The following PITPNM2 variants were observed in gnomAD, a reference collection of about 807,000 sequenced individuals.
PITPNM2 encodes the protein membrane-associated phosphatidylinositol transfer protein 2.
A neutral mutation model predicts 132.2 loss-of-function variants in PITPNM2; 35 were observed. The observed-to-expected ratio is 0.26, with a 90% CI of 0.20 to 0.35. The LOEUF is 0.35. PITPNM2 is among the 10% of genes least tolerant of loss of function. PITPNM2 has a pLI of 1.00. For synonymous variants in PITPNM2, 738 were observed against 799.2 expected, an observed-to-expected ratio of 0.92 and a Z score of 1.29; for missense variants, 1,332 against 1,912.0, an observed-to-expected ratio of 0.70 and a Z score of 5.66.
intron 2 of PITPNM2, among the ~76,000 whole-genome samples, chr12:123,104,242 T>C (rs943073699): frequency 6.6e-6 from 1 of 152,190 alleles, no homozygotes; most frequent in African/African-American, 2.4e-5. Flanking sequence ...GGCTCTACCT[T>C]TAGAACACAT....
intron 2 of PITPNM2, among the ~76,000 whole-genome samples, chr12:123,051,962 G>A (rs1026531503): frequency 6.6e-6 from 1 of 151,316 alleles, no homozygotes; most frequent in Non-Finnish European, 1.5e-5. Context: ...GAGTGCCGTG[G>A]CGCCATCTCG....
chr12:123,018,293 C>CTTTTTTTTTTT (rs3085478), intron 3 of PITPNM2, among the ~76,000 whole-genome samples: 7 of 126,320 alleles, frequency 5.5e-5, no homozygotes, highest in African/African-American at 1.9e-4. Context: ...TTTTTCTTTT[C>CTTTTTTTTTTT]TTTTTTTTTT....
At position 123,148,745 on chromosome 12, in the gene PITPNM2, G is replaced by A. The variant is rs57143069; in HGVS notation, c.-200+2008C>T. Among the ~76,000 whole-genome samples, 976 of 152,258 alleles carry A rather than the reference G, an allele frequency of 6.4e-3. 13 individuals carry two copies. Among genetic ancestry groups the A allele is most frequent in the African/African-American group, 0.022 (920 of 41,530 alleles). On this transcript the variant is annotated intron_variant, in intron 1 of 25. Transcript: ENST00000320201. ...AAGCATTGGGGATGCAGAGAAACGT[G>A]ATACAGCACTAACCGCCCAGGAGCT... is the stretch of plus-strand genomic sequence containing the variant.
At chr12:123,091,780 A>G (rs1250280145) in intron 2 of PITPNM2, 1 of 152,216 alleles carries the variant, frequency 6.6e-6, no homozygotes, top group Non-Finnish European at 1.5e-5. Context: ...TCTACACAGA[A>G]TATGTGTAGA....
At chr12:123,072,340 C>T (rs1486640202) in intron 2 of PITPNM2, among the ~76,000 whole-genome samples, 3 of 152,192 alleles carry the variant, frequency 2.0e-5, no homozygotes, top group Non-Finnish European at 2.9e-5. Context: ...GGTCTTCTAA[C>T]TTGCATTCTC....
At position 122,988,341 on chromosome 12, in the gene PITPNM2, G is replaced by T; in HGVS notation, c.2890C>A (p.His964Asn). The change falls in exon 20 of 26, where the codon CAT becomes AAT. Residue 964 changes from histidine (H) to asparagine (N), a missense_variant. This residue lies in a region of PITPNM2 where 251 missense variants were observed against 472.0 expected (regional missense o/e 0.53). Coordinates refer to ENST00000320201, the MANE Select transcript of PITPNM2 (RefSeq NM_020845.3). Reference protein sequence around the residue: ...VSFLLRQVMRHDNSSILELDG... With the variant: ...VSFLLRQVMRNDNSSILELDG... Reference sequence around the variant, plus strand: ...AGCTCCAAGATGCTGGAGTTGTCATGCCTCATGACCTGGGAAGAGGGGACA... The same window carrying T: ...AGCTCCAAGATGCTGGAGTTGTCATTCCTCATGACCTGGGAAGAGGGGACA... 1 of 1,613,250 alleles carries T rather than the reference G, an allele frequency of 6.2e-7. No homozygotes were observed. Among genetic ancestry groups the T allele is most frequent in the Middle Eastern group, 1.6e-4 (1 of 6,062 alleles).
chr12:123,091,707 T>G (rs1229208499), intron 2 of PITPNM2: 2 of 152,252 alleles, frequency 1.3e-5, no homozygotes, highest in Non-Finnish European at 2.9e-5. Context: ...TGGGCCACAC[T>G]GATACACACT....
intron 2 of PITPNM2, among the ~76,000 whole-genome samples, chr12:123,054,725 T>C (rs1001244273): frequency 1.3e-5 from 2 of 152,258 alleles, no homozygotes; most frequent in African/African-American, 4.8e-5. Context: ...ACCTTCTGCA[T>C]GTTATTCACT....
At chr12:123,025,071 G>T (rs1226649734) in intron 3 of PITPNM2, among the ~76,000 whole-genome samples, 2 of 152,164 alleles carry the variant, frequency 1.3e-5, no homozygotes, top group African/African-American at 4.8e-5. Flanking sequence ...CCCTCCCCGT[G>T]TCCAAAAGCT....
At chr12:123,055,938 C>T (rs907363951) in intron 2 of PITPNM2, among the ~76,000 whole-genome samples, 2 of 152,074 alleles carry the variant, frequency 1.3e-5, no homozygotes, top group Non-Finnish European at 2.9e-5. Flanking sequence ...AGTGAAAGCA[C>T]GACGAAAAGA....
chr12:122,987,976 TGGGCCTGAG>T, intron 20 of PITPNM2, 75 bp from the exon 21 acceptor site: 1 of 1,339,414 alleles, frequency 7.5e-7, no homozygotes, highest in Non-Finnish European at 1.0e-6. Context: ...TCAAGCTCTG[TGGGCCTGAG>T]GGGCAGGCTT....
intron 2 of PITPNM2, among the ~76,000 whole-genome samples, chr12:123,035,105 A>T (rs1463047431): frequency 6.6e-6 from 1 of 152,264 alleles, no homozygotes; most frequent in African/African-American, 2.4e-5. Context: ...CAGCACAGAC[A>T]TGAGACATTC....
Position 122,996,547 on chromosome 12 carries a change from T to C in PITPNM2, c.1693A>G (p.Ile565Val). ...VCLIGDCVGGILAFDALCYSN... is the reference protein window; with the variant it reads ...VCLIGDCVGGVLAFDALCYSN... Reference sequence around the variant, plus strand: ...TAGCACAGGGCATCAAATGCCAGGATGCCCCCGACGCAGTCCCCAATCAGG... The same window carrying C: ...TAGCACAGGGCATCAAATGCCAGGACGCCCCCGACGCAGTCCCCAATCAGG... Residue 565 changes from isoleucine (I) to valine (V), a missense_variant, in exon 13 of 26, where the codon ATC (isoleucine) becomes GTC (valine). Around this residue, in one of 6 missense-constraint regions of PITPNM2, gnomAD observed 710 missense variants for 911.5 expected, o/e 0.78. Transcript: ENST00000320201. 1 of 1,613,078 alleles carries C rather than the reference T, an allele frequency of 6.2e-7. No homozygotes were observed. The highest frequency in any genetic ancestry group is 8.5e-7 in the Non-Finnish European group (1 of 1,179,994).
At chr12:123,096,088 C>G (rs962182294) in intron 2 of PITPNM2, among the ~76,000 whole-genome samples, 1 of 152,260 alleles carries the variant, frequency 6.6e-6, no homozygotes, top group Admixed American at 6.5e-5. Flanking sequence ...GCTCAGGGAG[C>G]CAAAGTGGCC....
chr12:123,146,633 A>T (rs1186923660), intron 1 of PITPNM2, among the ~76,000 whole-genome samples: 1 of 144,158 alleles, frequency 6.9e-6, no homozygotes, highest in African/African-American at 2.5e-5. Flanking sequence ...ATAAAAGTTT[A>T]AAAAAAAAAA....
Position 123,111,586 on chromosome 12 carries a change from T to C in PITPNM2, c.-199-1098A>G, listed in dbSNP as rs550999817. Reference sequence around the variant, plus strand: ...GAAGATAGCTAGCAATACACAGCAGTGGGAGGTGTGGCTGCAGGGAGCGGG... The same window carrying C: ...GAAGATAGCTAGCAATACACAGCAGCGGGAGGTGTGGCTGCAGGGAGCGGG... On this transcript the variant is annotated intron_variant, in intron 1 of 25. Coordinates refer to ENST00000320201, the MANE Select transcript of PITPNM2 (RefSeq NM_020845.3). The surrounding 1 kb of genome is among the most constrained non-coding windows in gnomAD (Gnocchi z 4.1). Among the ~76,000 whole-genome samples, 26 of 152,318 alleles carry C rather than the reference T, an allele frequency of 1.7e-4. 1 individual carries two copies. The South Asian group carries it at 5.4e-3, about 32-fold the overall frequency.
Position 123,021,891 on chromosome 12 carries a change from GA to G in PITPNM2, c.79-7850del, listed in dbSNP as rs2039683654. On this transcript the variant is annotated intron_variant, in intron 3 of 25. Transcript: ENST00000320201. ...GCAATAGTACTGGCTAGGTTGTTGA[GA>G]AAATTAGATGCGAGCATGTGTAGCT... 1.1e-5 allele frequency: 2 copies of G among 182,694 alleles called. 1 individual carries two copies. Among genetic ancestry groups the G allele is most frequent in the East Asian group, 3.8e-4 (2 of 5,292 alleles). The allele number at this position is 182,694 out of a possible 1,614,324, so 11.3% of individuals were successfully genotyped here. A position where few individuals can be genotyped will look rare whatever the true frequency, so the allele number is the denominator to read the frequency against.
intron 2 of PITPNM2, among the ~76,000 whole-genome samples, chr12:123,086,429 A>G (rs1207524427): frequency 6.6e-6 from 1 of 152,214 alleles, no homozygotes; most frequent in African/African-American, 2.4e-5. Context: ...TGGCTGGGAC[A>G]TGGTCAAAGG....
At position 123,012,754 on chromosome 12, in the gene PITPNM2, C is replaced by G. The variant is rs1194475098; in HGVS notation, c.294-20G>C. 6.2e-7 allele frequency: 1 copy of G among 1,612,944 alleles called. No individual in the cohort carries two copies. Among genetic ancestry groups the G allele is most frequent in the Non-Finnish European group, 8.5e-7 (1 of 1,179,226 alleles). On this transcript the variant is annotated intron_variant, in intron 4 of 25. Coordinates refer to ENST00000320201, the MANE Select transcript of PITPNM2 (RefSeq NM_020845.3). ...GTGAACCTGTGCGGAAAGGAAAGCA[C>G]TCATCAGGACCTGTCCTTGGAGAGG...
Sources: gnomAD v4.1 joint callset for allele counts (sites outside exome capture counted in the v4.1 genomes callset) on GRCh38, gnomAD v4.1.1 for gene constraint, gnomAD v4.1.1 regional missense constraint, Gnocchi (gnomAD v3.1) non-coding constraint, MANE v1.5 for transcripts, NCBI Gene and HGNC (gene_info 2026-07-23, HGNC 2026-07-21) for gene names.